NAALADL2: variants seen among roughly 807,000 people sequenced by gnomAD.
NAALADL2 encodes inactive N-acetylated-alpha-linked acidic dipeptidase-like protein 2.
A neutral mutation model predicts 87.2 loss-of-function variants in NAALADL2; 76 were observed. The ratio of observed to expected loss-of-function variants is 0.87; its 90% CI spans 0.72 to 1.05. The LOEUF (loss-of-function observed/expected upper bound fraction) is 1.05, where lower values mean the gene tolerates loss of function less well. NAALADL2 is among the 50% of genes least tolerant of loss of function. The pLI is 0.00. For missense variants in NAALADL2, 1,089 were observed against 945.8 expected (o/e 1.15, Z -1.99); for synonymous variants, 354 against 331.0 (o/e 1.07, Z -0.75).
At chr3:175,267,510 C>G (rs1202438785) in intron 4 of NAALADL2, among the ~76,000 whole-genome samples, 1 of 152,088 alleles carries the variant, frequency 6.6e-6, no homozygotes, top group African/African-American at 2.4e-5. Context: ...TCCTTTTATG[C>G]TCAAATAAAC....
At chr3:175,788,406 T>C (rs1752373068) in intron 13 of NAALADL2, among the ~76,000 whole-genome samples, 2 of 152,148 alleles carry the variant, frequency 1.3e-5, no homozygotes, top group African/African-American at 4.8e-5. Context: ...TTATCTTTTA[T>C]AGAGTACTTT....
chr3:174,542,491 T>G (rs143683394), intron 1 of NAALADL2, among the ~76,000 whole-genome samples: 94 of 152,232 alleles, frequency 6.2e-4, no homozygotes, highest in Non-Finnish European at 1.2e-3. Context: ...AGCATCTTCT[T>G]TATATGGAAA....
At chr3:175,554,996 TCA>T (rs986506170) in intron 9 of NAALADL2, among the ~76,000 whole-genome samples, 63 of 152,336 alleles carry the variant, frequency 4.1e-4, no homozygotes, top group African/African-American at 1.4e-3. Flanking sequence ...TAGATTTTTC[TCA>T]GAGTCTCAGG....
At chr3:175,674,352 C>T (rs1734459754) in intron 11 of NAALADL2, among the ~76,000 whole-genome samples, 1 of 151,858 alleles carries the variant, frequency 6.6e-6, no homozygotes, top group Non-Finnish European at 1.5e-5. Context: ...CTCCGCCTCC[C>T]GGGTTCGCGC....
intron 5 of NAALADL2, among the ~76,000 whole-genome samples, chr3:175,402,468 C>T (rs960607349): frequency 5.3e-5 from 8 of 152,040 alleles, no homozygotes; most frequent in African/African-American, 1.9e-4. Context: ...CTCCCTACTG[C>T]TTACTATAAT....
intron 1 of NAALADL2, among the ~76,000 whole-genome samples, chr3:174,492,002 G>T (rs1718225466): frequency 6.6e-6 from 1 of 152,138 alleles, no homozygotes; most frequent in South Asian, 2.1e-4. Flanking sequence ...AGGCACGGTG[G>T]CTCATGCCTG....
chr3:174,585,945 A>G (rs891610881), intron 2 of NAALADL2, among the ~76,000 whole-genome samples: 1 of 152,164 alleles, frequency 6.6e-6, no homozygotes, highest in Admixed American at 6.5e-5. Context: ...TGGTCTGTAC[A>G]ATGGGACTAA....
intron 9 of NAALADL2, among the ~76,000 whole-genome samples, chr3:175,558,385 C>T (rs1197028557): frequency 6.6e-6 from 1 of 150,900 alleles, no homozygotes; most frequent in Non-Finnish European, 1.5e-5. Context: ...TGGGTTGCCT[C>T]ATCACTTTGT....
chr3:174,916,653 G>A (rs369764012), intron 1 of NAALADL2, among the ~76,000 whole-genome samples: 22 of 152,142 alleles, frequency 1.4e-4, no homozygotes, highest in African/African-American at 5.3e-4. Context: ...ATATAAGTGG[G>A]AGCTAAGCTA....
intron 2 of NAALADL2, among the ~76,000 whole-genome samples, chr3:175,173,300 TAAATAAATA>T (rs1450567554): frequency 2.2e-4 from 22 of 100,864 alleles, no homozygotes; most frequent in Non-Finnish European, 3.6e-4. Flanking sequence ...TCAAAATAAA[TAAATAAATA>T]AAATAAATAA....
chr3:175,009,573 G>GC, intron 1 of NAALADL2, among the ~76,000 whole-genome samples: 1 of 152,126 alleles, frequency 6.6e-6, no homozygotes, highest in African/African-American at 2.4e-5. Flanking sequence ...GCCTTTGGAA[G>GC]AAGTTAAAAT....
chr3:175,696,721 T>C (rs984944391), intron 11 of NAALADL2, among the ~76,000 whole-genome samples: 3 of 152,260 alleles, frequency 2.0e-5, no homozygotes, highest in South Asian at 2.1e-4. Context: ...GCTGCTATGA[T>C]AGAATACCAC....
intron 1 of NAALADL2, among the ~76,000 whole-genome samples, chr3:174,985,495 A>G (rs1745732439): frequency 6.6e-6 from 1 of 152,196 alleles, no homozygotes; most frequent in Non-Finnish European, 1.5e-5. Flanking sequence ...GGAATCTTGG[A>G]AACAAAATGT....
chr3:174,761,182 T>G (rs1560202468), intron 3 of NAALADL2, among the ~76,000 whole-genome samples: 1 of 152,222 alleles, frequency 6.6e-6, no homozygotes. Flanking sequence ...GAAAATCTAT[T>G]TCCGAGTGCC....
At chr3:175,223,401 G>T (rs1743687914) in intron 2 of NAALADL2, among the ~76,000 whole-genome samples, 1 of 150,212 alleles carries the variant, frequency 6.7e-6, no homozygotes, top group African/African-American at 2.5e-5. Context: ...TCTGTTTCTG[G>T]CTAATTCGAT....
intron 3 of NAALADL2, among the ~76,000 whole-genome samples, chr3:174,756,952 A>AC (rs199853976): frequency 0.043 from 5,351 of 125,334 alleles, 134 homozygotes; most frequent in South Asian, 0.066. Flanking sequence ...CTATAGACAA[A>AC]AAAAACAAAA....
intron 2 of NAALADL2, among the ~76,000 whole-genome samples, chr3:174,590,072 G>A (rs1235523509): frequency 6.6e-6 from 1 of 151,926 alleles, no homozygotes; most frequent in African/African-American, 2.4e-5. Context: ...TAGAAATGAG[G>A]CTTATTTTCT....
At chr3:175,555,709 T>C (rs1251835448) in intron 9 of NAALADL2, among the ~76,000 whole-genome samples, 1 of 152,192 alleles carries the variant, frequency 6.6e-6, no homozygotes, top group African/African-American at 2.4e-5. Flanking sequence ...TATATATGTA[T>C]ATAACATAAA....
chr3:174,886,397 T>C (rs996608676), intron 1 of NAALADL2, among the ~76,000 whole-genome samples: 5 of 152,156 alleles, frequency 3.3e-5, no homozygotes, highest in Non-Finnish European at 5.9e-5. Context: ...AGGGTGGGTC[T>C]GCCTTTCCCA....
Sources: gnomAD v4.1 joint callset for allele counts (sites outside exome capture counted in the v4.1 genomes callset) on GRCh38, gnomAD v4.1.1 for gene constraint, MANE v1.5 for transcripts, NCBI Gene and HGNC (gene_info 2026-07-23, HGNC 2026-07-21) for gene names.